THSD4: variants seen among roughly 807,000 people sequenced by gnomAD.
THSD4 encodes the protein thrombospondin type 1 domain containing 4.
In THSD4, 69 loss-of-function variants were observed where a neutral mutation model predicts 119.0. The observed-to-expected ratio is 0.58, with a 90% CI of 0.48 to 0.71. THSD4 has a LOEUF of 0.71. Ranked by LOEUF, THSD4 falls within the 30% of genes least tolerant of loss-of-function variation. THSD4 has a pLI of 0.00. For synonymous variants in THSD4, 524 were observed against 540.4 expected, an observed-to-expected ratio of 0.97 and a Z score of 0.42; for missense variants, 1,393 against 1,391.1, an observed-to-expected ratio of 1.00 and a Z score of -0.02.
intron 3 of THSD4, among the ~76,000 whole-genome samples, chr15:71,193,788 A>G (rs1024788587): frequency 8.2e-4 from 125 of 152,050 alleles, no homozygotes; most frequent in African/African-American, 2.4e-3. Flanking sequence ...GCTCTCTGCA[A>G]GCTCCGCCTC....
intron 3 of THSD4, among the ~76,000 whole-genome samples, chr15:71,187,978 A>G (rs1002100237): frequency 6.6e-6 from 1 of 152,226 alleles, no homozygotes; most frequent in African/African-American, 2.4e-5. Flanking sequence ...GTCTGGGACA[A>G]TCATTGCTTA....
intron 8 of THSD4, among the ~76,000 whole-genome samples, chr15:71,690,200 T>G (rs1172598755): frequency 2.0e-5 from 3 of 152,240 alleles, no homozygotes; most frequent in African/African-American, 7.2e-5. Flanking sequence ...GGTTTTGTGA[T>G]TAATGGGTAA....
At chr15:71,429,866 A>G (rs907032239) in intron 7 of THSD4, among the ~76,000 whole-genome samples, 6 of 152,390 alleles carry the variant, frequency 3.9e-5, no homozygotes, top group Non-Finnish European at 7.3e-5. Context: ...ATGGTATTGT[A>G]GATGGGCTCT....
At chr15:71,527,991 C>T (rs2048551251) in intron 7 of THSD4, among the ~76,000 whole-genome samples, 2 of 152,122 alleles carry the variant, frequency 1.3e-5, no homozygotes, top group South Asian at 4.2e-4. Flanking sequence ...GCTGGGATTA[C>T]AGTTGTGAGC....
chr15:71,507,907 G>A (rs1172394835), intron 7 of THSD4, among the ~76,000 whole-genome samples: 3 of 152,182 alleles, frequency 2.0e-5, no homozygotes, highest in African/African-American at 7.2e-5. Context: ...TCTCCAGTTA[G>A]ATCTTCTAAT....
At chr15:71,364,657 C>T (rs771501769) in intron 6 of THSD4, among the ~76,000 whole-genome samples, 2 of 152,202 alleles carry the variant, frequency 1.3e-5, no homozygotes, top group South Asian at 4.1e-4. Context: ...TGTACATCAA[C>T]GTTTCCAGAT....
chr15:71,761,095 C>T (rs1024045303), intron 15 of THSD4, among the ~76,000 whole-genome samples: 5 of 152,050 alleles, frequency 3.3e-5, no homozygotes, highest in Non-Finnish European at 5.9e-5. Flanking sequence ...GGACTTTTCC[C>T]TACCATCTTA....
At chr15:71,580,265 T>C (rs1483082556) in intron 7 of THSD4, among the ~76,000 whole-genome samples, 2 of 152,142 alleles carry the variant, frequency 1.3e-5, no homozygotes, top group Admixed American at 1.3e-4. Context: ...AGAAGTGACA[T>C]TGGGAAAGAA....
chr15:71,603,232 G>C (rs1362175317), intron 7 of THSD4, among the ~76,000 whole-genome samples: 1 of 152,198 alleles, frequency 6.6e-6, no homozygotes, highest in Non-Finnish European at 1.5e-5. Context: ...CAGACACATT[G>C]AAGGGTGAGG....
At chr15:71,762,409 A>T (rs1269129142) in intron 15 of THSD4, among the ~76,000 whole-genome samples, 4 of 152,226 alleles carry the variant, frequency 2.6e-5, no homozygotes, top group Non-Finnish European at 5.9e-5. Context: ...ATCTCATAGC[A>T]TTGAGGGGTC....
At chr15:71,345,858 T>A (rs955643718) in intron 6 of THSD4, among the ~76,000 whole-genome samples, 1 of 152,098 alleles carries the variant, frequency 6.6e-6, no homozygotes, top group South Asian at 2.1e-4. Context: ...GTTAAAGCCC[T>A]GTACGAAGAG....
At chr15:71,661,438 C>G (rs1022784474) in intron 8 of THSD4, among the ~76,000 whole-genome samples, 1 of 151,758 alleles carries the variant, frequency 6.6e-6, no homozygotes, top group African/African-American at 2.4e-5. Context: ...CCCTGTCACC[C>G]AGGTTCGAGT....
intron 3 of THSD4, among the ~76,000 whole-genome samples, chr15:71,212,395 T>G (rs1008123714): frequency 2.0e-5 from 3 of 152,158 alleles, no homozygotes; most frequent in African/African-American, 7.2e-5. Flanking sequence ...CTGCCCAATT[T>G]GGCAATAGGA....
intron 11 of THSD4, among the ~76,000 whole-genome samples, chr15:71,742,459 TTCAC>T (rs1263424199): frequency 4.6e-5 from 7 of 152,218 alleles, no homozygotes; most frequent in South Asian, 2.1e-4. Context: ...AGCCCCTGAA[TTCAC>T]TGACCTCATT....
chr15:71,257,920 G>A (rs567091209), intron 6 of THSD4, among the ~76,000 whole-genome samples: 1 of 152,124 alleles, frequency 6.6e-6, no homozygotes, highest in Admixed American at 6.5e-5. Context: ...ACATACAACG[G>A]GTGGGGAACA....
intron 8 of THSD4, among the ~76,000 whole-genome samples, chr15:71,688,417 AT>A (rs1285735495): frequency 6.6e-6 from 1 of 152,322 alleles, no homozygotes; most frequent in African/African-American, 2.4e-5. Context: ...TTGTGTCCTA[AT>A]TTTTTAAGAG....
chr15:71,749,879 G>T (rs2053416270), intron 14 of THSD4, among the ~76,000 whole-genome samples: 1 of 151,666 alleles, frequency 6.6e-6, no homozygotes, highest in Non-Finnish European at 1.5e-5. Flanking sequence ...TGGGACTATA[G>T]GTGCGCGCCA....
intron 7 of THSD4, among the ~76,000 whole-genome samples, chr15:71,513,894 T>C (rs1424186809): frequency 6.6e-6 from 1 of 152,206 alleles, no homozygotes; most frequent in East Asian, 1.9e-4. Flanking sequence ...AGAAACATTA[T>C]GTTGATCAAA....
chr15:71,532,281 A>AGAGAGAGAGAGAGAGAGAGT lies in THSD4; in HGVS notation c.1152+120461_1152+120462insAGAGAGAGAGAGAGAGTGAG, dbSNP rs1555423940. 6.2e-5 allele frequency among the ~76,000 whole-genome samples: 7 copies of AGAGAGAGAGAGAGAGAGAGT among 113,140 alleles called. No homozygotes were observed. In the East Asian group the frequency reaches 1.0e-3, roughly 17 times the overall value. The allele number at this position is 113,140 out of a possible 152,430, so 74.2% of individuals were successfully genotyped here. On this transcript the variant is annotated intron_variant, in intron 7 of 17. Coordinates refer to ENST00000261862, the MANE Select transcript of THSD4 (RefSeq NM_024817.3). ...CAAAGGGTGAGAGAGAGAGAGAGAG[A>AGAGAGAGAGAGAGAGAGAGT]GAGTGTGTGTGTGTGTGTGTGTGTG...
Sources: allele counts gnomAD v4.1 joint callset (sites outside exome capture counted in the v4.1 genomes callset), GRCh38; gene constraint gnomAD v4.1.1; transcripts MANE v1.5; gene names NCBI Gene and HGNC (gene_info 2026-07-23, HGNC 2026-07-21).